FRMPD4: variants seen among roughly 807,000 people sequenced by gnomAD.
FRMPD4 encodes the protein FERM and PDZ domain-containing protein 4.
In FRMPD4, 22 loss-of-function variants were observed where a neutral mutation model predicts 94.1. The observed-to-expected ratio is 0.23, with a 90% CI of 0.17 to 0.33. The LOEUF (loss-of-function observed/expected upper bound fraction) is 0.33, where lower values mean the gene tolerates loss of function less well. FRMPD4 is among the 10% of genes least tolerant of loss of function. The probability of loss-of-function intolerance (pLI) is 1.00; values close to 1 mark genes in which losing one functional copy is unlikely to be tolerated. For synonymous variants in FRMPD4, 631 were observed against 548.6 expected (o/e 1.15, Z -2.10); for missense variants, 1,111 against 1,339.9 (o/e 0.83, Z 2.67).
At chrX:12,092,948 A>C (rs1016892429) in intron 3 of FRMPD4, among the ~76,000 whole-genome samples, 2 of 111,740 alleles carry the variant, frequency 1.8e-5, no homozygotes, top group African/African-American at 6.5e-5. Context: ...CTGCCTGTGA[A>C]GGTTACTGGC....
chrX:11,846,689 A>G (rs1253298948), intron 1 of FRMPD4, among the ~76,000 whole-genome samples: 1 of 108,223 alleles, frequency 9.2e-6, no homozygotes, highest in Non-Finnish European at 1.9e-5. Context: ...AGAGATATAG[A>G]TCAATGGAAC....
At chrX:11,925,615 A>G (rs1461876340) in intron 3 of FRMPD4, among the ~76,000 whole-genome samples, 1 of 112,046 alleles carries the variant, frequency 8.9e-6, no homozygotes, top group Non-Finnish European at 1.9e-5. Context: ...AAACCATACA[A>G]TTACATGGAA....
intron 3 of FRMPD4, among the ~76,000 whole-genome samples, chrX:11,907,158 A>G (rs1363746672): frequency 9.0e-6 from 1 of 110,951 alleles, no homozygotes; most frequent in Non-Finnish European, 1.9e-5. Flanking sequence ...TTCTTAAGTT[A>G]TTGTGATCGT....
At chrX:11,880,251 C>T (rs2053806221) in intron 3 of FRMPD4, among the ~76,000 whole-genome samples, 1 of 110,995 alleles carries the variant, frequency 9.0e-6, no homozygotes, top group African/African-American at 3.3e-5. Context: ...GTTCCCATAT[C>T]TCTAAAATGA....
At chrX:12,277,721 G>A (rs1347455678) in intron 1 of FRMPD4, among the ~76,000 whole-genome samples, 2 of 111,827 alleles carry the variant, frequency 1.8e-5, no homozygotes, top group Non-Finnish European at 3.8e-5. Flanking sequence ...CATATATTTT[G>A]GGTAGCATAT....
intron 1 of FRMPD4, among the ~76,000 whole-genome samples, chrX:12,145,758 C>T (rs147798372): frequency 0.018 from 2,050 of 111,862 alleles, 23 homozygotes; most frequent in Middle Eastern, 0.041. Context: ...TTTTACTGTT[C>T]TTCTTTGATC....
At chrX:12,042,229 T>TC (rs1307373596) in intron 3 of FRMPD4, among the ~76,000 whole-genome samples, 12 of 110,629 alleles carry the variant, frequency 1.1e-4, no homozygotes, top group Admixed American at 4.8e-4. Context: ...TTTTTTTTTT[T>TC]CCCAGAGTGT....
chrX:12,066,657 T>A (rs2054922111), intron 3 of FRMPD4, among the ~76,000 whole-genome samples: 1 of 110,182 alleles, frequency 9.1e-6, no homozygotes, highest in African/African-American at 3.3e-5. Context: ...TGTAGGGAAT[T>A]CATATATTGT....
intron 3 of FRMPD4, among the ~76,000 whole-genome samples, chrX:11,983,302 G>A (rs1401835774): frequency 8.9e-6 from 1 of 112,124 alleles, no homozygotes; most frequent in Admixed American, 9.4e-5. Context: ...TAGCTTCTTA[G>A]TGAAAGGGTG....
chrX:12,266,557 G>C (rs1050621925), intron 1 of FRMPD4, among the ~76,000 whole-genome samples: 1 of 111,883 alleles, frequency 8.9e-6, no homozygotes, highest in African/African-American at 3.3e-5. Context: ...GGTGAAAGCA[G>C]TAACTGAACC....
intron 13 of FRMPD4, among the ~76,000 whole-genome samples, chrX:12,708,493 T>G (rs2041922927): frequency 9.8e-6 from 1 of 101,553 alleles, no homozygotes; most frequent in African/African-American, 3.7e-5. Flanking sequence ...AACACAAAAA[T>G]CTGAGATGGT....
At chrX:12,252,031 A>G (rs912080898) in intron 1 of FRMPD4, among the ~76,000 whole-genome samples, 1 of 112,587 alleles carries the variant, frequency 8.9e-6, no homozygotes, top group African/African-American at 3.2e-5. Flanking sequence ...AATAAATGTT[A>G]GCTTTATAGA....
chrX:12,334,640 G>A (rs1601830507), intron 1 of FRMPD4, among the ~76,000 whole-genome samples: 1 of 109,117 alleles, frequency 9.2e-6, no homozygotes, highest in East Asian at 2.8e-4. Flanking sequence ...TTATGTATAG[G>A]CAGGTAGCTA....
At chrX:12,454,735 C>G (rs2057313347) in intron 1 of FRMPD4, among the ~76,000 whole-genome samples, 1 of 109,339 alleles carries the variant, frequency 9.1e-6, no homozygotes, top group South Asian at 4.0e-4. Flanking sequence ...CCTTCCAGCA[C>G]AGTGGGAAAC....
chrX:12,485,495 G>A (rs1485351029), intron 1 of FRMPD4, among the ~76,000 whole-genome samples: 1 of 109,598 alleles, frequency 9.1e-6, no homozygotes, highest in Non-Finnish European at 1.9e-5. Context: ...CAAAGATTAA[G>A]GACAAGCTAT....
At chrX:12,011,964 G>A (rs1450465647) in intron 3 of FRMPD4, among the ~76,000 whole-genome samples, 6 of 107,282 alleles carry the variant, frequency 5.6e-5, no homozygotes, top group Non-Finnish European at 9.6e-5. Context: ...GCAGTGGCGC[G>A]ATCTCAACTC....
chrX:12,085,136 C>T (rs973008759), intron 3 of FRMPD4, among the ~76,000 whole-genome samples: 8 of 111,711 alleles, frequency 7.2e-5, no homozygotes, highest in Admixed American at 6.6e-4. Flanking sequence ...GCAGATATAC[C>T]ACCAGATGGC....
intron 1 of FRMPD4, among the ~76,000 whole-genome samples, chrX:12,257,810 A>C (rs777597915): frequency 9.0e-6 from 1 of 111,295 alleles, no homozygotes; most frequent in African/African-American, 3.3e-5. Context: ...AAAAACATCT[A>C]TATATGCTTT....
intron 2 of FRMPD4, among the ~76,000 whole-genome samples, chrX:12,585,131 T>C (rs2058913864): frequency 9.0e-6 from 1 of 111,280 alleles, no homozygotes; most frequent in Non-Finnish European, 1.9e-5. Context: ...TTGACCAGGC[T>C]GATCTCGAAC....
Sources: gnomAD v4.1 joint callset for allele counts (sites outside exome capture counted in the v4.1 genomes callset) on GRCh38, gnomAD v4.1.1 for gene constraint, MANE v1.5 for transcripts, NCBI Gene and HGNC (gene_info 2026-07-23, HGNC 2026-07-21) for gene names.